SLC4A10: variants seen among roughly 807,000 people sequenced by gnomAD.
SLC4A10 encodes solute carrier family 4 member 10.
In SLC4A10, 42 loss-of-function variants were observed where a neutral mutation model predicts 137.7. That is an observed-to-expected ratio of 0.30 (90% CI 0.24 to 0.39). The LOEUF is 0.39. Ranked by LOEUF, SLC4A10 falls within the 10% of genes least tolerant of loss-of-function variation. The pLI is 1.00. For missense variants in SLC4A10, 925 were observed against 1,355.0 expected, an observed-to-expected ratio of 0.68 and a Z score of 4.98; for synonymous variants, 474 against 464.1, an observed-to-expected ratio of 1.02 and a Z score of -0.27.
chr2:161,905,956 T>C, intron 15 of SLC4A10, 69 bp downstream of exon 15: 2 of 1,504,000 alleles, frequency 1.3e-6, no homozygotes. Context: ...TTACAAGAAA[T>C]ATGAGGAAAT....
At chr2:161,846,822 T>C (rs1047043049) in intron 4 of SLC4A10, among the ~76,000 whole-genome samples, 9 of 151,918 alleles carry the variant, frequency 5.9e-5, no homozygotes, top group Non-Finnish European at 1.3e-4. Context: ...GGGACAGAAA[T>C]AGAGTGAGGA....
intron 2 of SLC4A10, among the ~76,000 whole-genome samples, chr2:161,774,779 T>C (rs2052110458): frequency 6.6e-6 from 1 of 151,902 alleles, no homozygotes; most frequent in Non-Finnish European, 1.5e-5. Flanking sequence ...GCTCTCCCTG[T>C]ACCAAACAAA....
intron 1 of SLC4A10, among the ~76,000 whole-genome samples, chr2:161,637,901 C>G (rs1250529147): frequency 6.6e-6 from 1 of 152,086 alleles, no homozygotes; most frequent in Non-Finnish European, 1.5e-5. Context: ...ACTTGAATGT[C>G]TTATTTTGAT....
chr2:161,975,670 C>T (rs557027804), intron 24 of SLC4A10, among the ~76,000 whole-genome samples: 1 of 152,252 alleles, frequency 6.6e-6, no homozygotes, highest in Admixed American at 6.5e-5. Flanking sequence ...GGTTTTGTTC[C>T]TCTTAAAAGT....
Position 161,624,435 on chromosome 2 carries a change from A to G in SLC4A10, c.-84A>G, listed in dbSNP as rs2031836957. 1.3e-6 allele frequency: 2 copies of G among 1,547,484 alleles called. No individual in the cohort carries two copies. Among genetic ancestry groups the G allele is most frequent in the Non-Finnish European group, 1.7e-6 (2 of 1,144,370 alleles). On this transcript the variant is annotated 5_prime_UTR_variant, in exon 1 of 27. It adds an upstream start codon to the 5' untranslated region. Coordinates refer to ENST00000446997, the MANE Select transcript of SLC4A10 (RefSeq NM_001178015.2). ...TGCTTCAGAGCTACCTGATCCGAATACTAAGCAGAGCGAGTGCCGGGCTGA... is the reference window on the plus strand; with the variant it reads ...TGCTTCAGAGCTACCTGATCCGAATGCTAAGCAGAGCGAGTGCCGGGCTGA...
At chr2:161,631,169 G>T (rs2033480409) in intron 1 of SLC4A10, among the ~76,000 whole-genome samples, 1 of 151,616 alleles carries the variant, frequency 6.6e-6, no homozygotes, top group Admixed American at 6.6e-5. Flanking sequence ...ACTGCTAATA[G>T]GTACAGAGTT....
intron 10 of SLC4A10, among the ~76,000 whole-genome samples, chr2:161,886,331 T>C (rs183274684): frequency 7.6e-4 from 116 of 152,254 alleles, no homozygotes; most frequent in Non-Finnish European, 1.3e-3. Flanking sequence ...TGTCCAGATT[T>C]ACCCCATCCT....
intron 2 of SLC4A10, among the ~76,000 whole-genome samples, chr2:161,782,235 G>A (rs1316787127): frequency 6.6e-6 from 1 of 152,008 alleles, no homozygotes; most frequent in Non-Finnish European, 1.5e-5. Context: ...AAAGAATTCA[G>A]TCTCACTCAT....
At chr2:161,721,055 C>T (rs1315252046) in intron 1 of SLC4A10, among the ~76,000 whole-genome samples, 1 of 152,156 alleles carries the variant, frequency 6.6e-6, no homozygotes, top group Non-Finnish European at 1.5e-5. Context: ...TCTTGAACTC[C>T]TGTCCTCAGG....
intron 1 of SLC4A10, among the ~76,000 whole-genome samples, chr2:161,637,464 G>A (rs532648846): frequency 6.6e-6 from 1 of 152,088 alleles, no homozygotes; most frequent in Admixed American, 6.6e-5. Flanking sequence ...GCTTCCCAAA[G>A]TGCTGTGATT....
intron 23 of SLC4A10, among the ~76,000 whole-genome samples, chr2:161,969,245 C>A (rs1698106554): frequency 6.6e-6 from 1 of 152,078 alleles, no homozygotes; most frequent in Admixed American, 6.5e-5. Context: ...CCTTAAAATT[C>A]AATAATGAGT....
At chr2:161,921,100 G>T (rs765211229) in intron 15 of SLC4A10, among the ~76,000 whole-genome samples, 19 of 152,198 alleles carry the variant, frequency 1.2e-4, no homozygotes, top group Non-Finnish European at 2.4e-4. Flanking sequence ...CCTAAGAGAA[G>T]AAGTAACAGA....
intron 26 of SLC4A10, among the ~76,000 whole-genome samples, chr2:161,981,281 G>A (rs1034341011): frequency 6.6e-6 from 1 of 152,126 alleles, no homozygotes; most frequent in Admixed American, 6.5e-5. Flanking sequence ...CATGTGTAGA[G>A]ACCAGTATAT....
At chr2:161,761,452 A>G (rs370256102) in intron 1 of SLC4A10, among the ~76,000 whole-genome samples, 13 of 152,120 alleles carry the variant, frequency 8.5e-5, no homozygotes, top group East Asian at 5.8e-4. Context: ...CCATGTTCCA[A>G]TAAGGAAATC....
At chr2:161,803,002 T>C (rs1302849266) in intron 2 of SLC4A10, among the ~76,000 whole-genome samples, 1 of 152,152 alleles carries the variant, frequency 6.6e-6, no homozygotes, top group Non-Finnish European at 1.5e-5. Flanking sequence ...ATTGCCATTA[T>C]AATATTTTGT....
intron 1 of SLC4A10, among the ~76,000 whole-genome samples, chr2:161,649,067 G>A (rs2036450388): frequency 6.6e-6 from 1 of 152,104 alleles, no homozygotes; most frequent in Admixed American, 6.5e-5. Context: ...TCCCAAATGT[G>A]ATATTATTTA....
rs1361683066 is a variant in SLC4A10, at chr2:161,789,006, A to G, written c.131-15443A>G. On this transcript the variant is annotated intron_variant, in intron 2 of 26. Coordinates refer to ENST00000446997, the MANE Select transcript of SLC4A10 (RefSeq NM_001178015.2). ...CCAGTCTCCTGTGGTTGCCAAAGTC[A>G]GAAGGGGTTCTGAGGTATGTTTGCA... 3.3e-5 allele frequency among the ~76,000 whole-genome samples: 5 copies of G among 152,230 alleles called. No individual in the cohort carries two copies. The East Asian group carries it at 7.7e-4, about 23-fold the overall frequency.
chr2:161,964,071 CAACTTGTCCTACTTTT>C, intron 21 of SLC4A10, 48 bp from the exon 22 acceptor site: 1 of 1,420,216 alleles, frequency 7.0e-7, no homozygotes, highest in Non-Finnish European at 9.4e-7. Context: ...TATTAAACAT[CAACTTGTCCTACTTTT>C]ATTGTTGTCT....
At chr2:161,818,917 A>C (rs907217750) in intron 3 of SLC4A10, among the ~76,000 whole-genome samples, 19 of 152,152 alleles carry the variant, frequency 1.2e-4, no homozygotes, top group Non-Finnish European at 2.1e-4. Flanking sequence ...ATATTCATCA[A>C]GGATATTGGT....
Sources: allele counts gnomAD v4.1 joint callset (sites outside exome capture counted in the v4.1 genomes callset), GRCh38; gene constraint gnomAD v4.1.1; transcripts MANE v1.5; gene names NCBI Gene and HGNC (gene_info 2026-07-23, HGNC 2026-07-21).